Variants in DSTN observed in about 807,000 individuals in gnomAD.
DSTN encodes the protein destrin, actin depolymerizing factor.
In DSTN, 10 loss-of-function variants were observed where a neutral mutation model predicts 16.8. That is an observed-to-expected ratio of 0.60 (90% CI 0.37 to 1.01). DSTN has a LOEUF of 1.01. Ranked by LOEUF, DSTN falls within the 50% of genes least tolerant of loss-of-function variation. The pLI is 0.01. For missense variants in DSTN, 141 were observed against 196.7 expected (o/e 0.72, Z 1.69); for synonymous variants, 57 against 58.9 (o/e 0.97, Z 0.14).
chr20:17,579,389 A>G (rs1000825712), intron 1 of DSTN, among the ~76,000 whole-genome samples: 18 of 152,166 alleles, frequency 1.2e-4, no homozygotes, highest in African/African-American at 4.3e-4. Context: ...GGCCTGAGCA[A>G]CATGACAAAA....
intron 1 of DSTN, chr20:17,592,204 T>C (rs1048209289): frequency 3.3e-6 from 2 of 614,478 alleles, no homozygotes; most frequent in Non-Finnish European, 4.1e-6. Context: ...GGCAGGCAGA[T>C]GACTTGAGCC....
intron 1 of DSTN, among the ~76,000 whole-genome samples, chr20:17,578,961 C>CAA (rs59600009): frequency 0.14 from 11,041 of 80,264 alleles, 811 homozygotes; most frequent in Non-Finnish European, 0.15. Context: ...AATTCCATCT[C>CAA]AAAAAAAAAA....
intron 1 of DSTN, among the ~76,000 whole-genome samples, chr20:17,575,894 A>G (rs1448950339): frequency 6.6e-6 from 1 of 152,204 alleles, no homozygotes; most frequent in South Asian, 2.1e-4. Context: ...CATGAAAGTC[A>G]TACACAAAGA....
chr20:17,576,799 A>T (rs2035283821), intron 1 of DSTN, among the ~76,000 whole-genome samples: 1 of 152,254 alleles, frequency 6.6e-6, no homozygotes, highest in Admixed American at 6.5e-5. Context: ...ACAGGAAAGC[A>T]AGGATGAATT....
chr20:17,582,523 C>T (rs575469625), intron 1 of DSTN, among the ~76,000 whole-genome samples: 2 of 152,138 alleles, frequency 1.3e-5, no homozygotes, highest in Admixed American at 6.5e-5. Context: ...TTCTCACACA[C>T]TTGAGTTAAT....
intron 3 of DSTN, among the ~76,000 whole-genome samples, chr20:17,605,391 C>T (rs1264985888): frequency 6.6e-6 from 1 of 152,196 alleles, no homozygotes; most frequent in Non-Finnish European, 1.5e-5. Context: ...AAGAGTTTGC[C>T]CTGCCACCTT....
chr20:17,583,496 G>A (rs1247699098), intron 1 of DSTN, among the ~76,000 whole-genome samples: 2 of 152,084 alleles, frequency 1.3e-5, no homozygotes, highest in African/African-American at 4.8e-5. Context: ...CAAGGGAAGG[G>A]AATATTATTT....
At chr20:17,604,711 T>G (rs1466808397) in intron 3 of DSTN, 80 bp downstream of exon 3, 6 of 1,390,070 alleles carry the variant, frequency 4.3e-6, no homozygotes, top group Non-Finnish European at 4.9e-6. Context: ...GAGAAGCACC[T>G]TATTTTTTTG....
Position 17,607,214 on chromosome 20 carries a change from A to G in DSTN, c.*68A>G. 6.8e-7 allele frequency: 1 copy of G among 1,477,124 alleles called. No individual in the cohort carries two copies. Among genetic ancestry groups the G allele is most frequent in the Non-Finnish European group, 9.3e-7 (1 of 1,073,148 alleles). The allele number at this position is 1,477,124 out of a possible 1,614,324, so 91.5% of individuals were successfully genotyped here. On this transcript the variant is annotated 3_prime_UTR_variant, in exon 4 of 4. Transcript: ENST00000246069. ...ATCCTCTTGCTATATAAATAAAGCA[A>G]ATATATTTAGGCCAGGGTCTCACTG...
intron 1 of DSTN, among the ~76,000 whole-genome samples, chr20:17,587,048 C>T (rs950118508): frequency 6.6e-6 from 1 of 152,064 alleles, no homozygotes; most frequent in Non-Finnish European, 1.5e-5. Flanking sequence ...TTGACTTGCT[C>T]AATTTTCCCA....
intron 1 of DSTN, chr20:17,592,138 G>A (rs532851931): frequency 8.7e-4 from 852 of 980,978 alleles, no homozygotes; most frequent in Non-Finnish European, 1.0e-3. Context: ...AGAACCTAGG[G>A]ACTACAGCCA....
At chr20:17,592,556 C>T (rs2035480565) in intron 1 of DSTN, among the ~76,000 whole-genome samples, 1 of 151,556 alleles carries the variant, frequency 6.6e-6, no homozygotes, top group African/African-American at 2.4e-5. Flanking sequence ...TAAGTATATT[C>T]ATTAAATCTA....
intron 1 of DSTN, among the ~76,000 whole-genome samples, chr20:17,595,600 CAA>C (rs1426166499): frequency 6.6e-6 from 1 of 150,812 alleles, no homozygotes; most frequent in East Asian, 1.9e-4. Flanking sequence ...GCCTGGATGA[CAA>C]GAGCGAACGT....
intron 1 of DSTN, among the ~76,000 whole-genome samples, chr20:17,583,049 G>T (rs2035363375): frequency 6.6e-6 from 1 of 152,212 alleles, no homozygotes; most frequent in Admixed American, 6.5e-5. Flanking sequence ...GATTTGAATA[G>T]CTGTTTCTCT....
intron 2 of DSTN, among the ~76,000 whole-genome samples, chr20:17,601,911 A>T (rs1335711483): frequency 6.6e-6 from 1 of 151,408 alleles, no homozygotes; most frequent in Non-Finnish European, 1.5e-5. Flanking sequence ...AAGGGGAGGG[A>T]GAAATGGTAA....
chr20:17,604,561 A>G lies in DSTN; in HGVS notation c.318A>G (p.Pro106=), dbSNP rs758734228. Residue 106 remains proline (P), a synonymous_variant, in exon 3 of 4, where the codon CCA becomes CCG. Transcript: ENST00000246069. ...TTGGCATCTTTCTATCTAGGGCACCAGAACTAGCACCTCTGAAAAGTAAAA... is the reference window on the plus strand; with the variant it reads ...TTGGCATCTTTCTATCTAGGGCACCGGAACTAGCACCTCTGAAAAGTAAAA... ...KEELMFFLWA[P]ELAPLKSKMI... 1.2e-6 allele frequency: 2 copies of G among 1,609,718 alleles called. No homozygotes were observed. Among genetic ancestry groups the G allele is most frequent in the Admixed American group, 3.4e-5 (2 of 58,662 alleles).
At chr20:17,591,367 A>G (rs200001391) in intron 1 of DSTN, among the ~76,000 whole-genome samples, 8 of 149,582 alleles carry the variant, frequency 5.3e-5, no homozygotes, top group African/African-American at 2.0e-4. Flanking sequence ...GCAATCCTGT[A>G]TATTTTATTT....
intron 2 of DSTN, among the ~76,000 whole-genome samples, chr20:17,602,318 G>C (rs2035595770): frequency 6.6e-6 from 1 of 152,196 alleles, no homozygotes; most frequent in African/African-American, 2.4e-5. Flanking sequence ...TATTGTGCGA[G>C]GGCCTGGGAA....
At chr20:17,584,190 A>G (rs2035381850) in intron 1 of DSTN, among the ~76,000 whole-genome samples, 1 of 152,174 alleles carries the variant, frequency 6.6e-6, no homozygotes, top group Non-Finnish European at 1.5e-5. Flanking sequence ...TGTAAAAACT[A>G]CTTAAATTGT....
Sources: allele counts gnomAD v4.1 joint callset (sites outside exome capture counted in the v4.1 genomes callset), GRCh38; gene constraint gnomAD v4.1.1; transcripts MANE v1.5; gene names NCBI Gene and HGNC (gene_info 2026-07-23, HGNC 2026-07-21).